NUP210: variants seen among roughly 807,000 people sequenced by gnomAD.
The protein encoded by NUP210 is nucleoporin 210.
In NUP210, 151 loss-of-function variants were observed where a neutral mutation model predicts 196.0. The observed-to-expected ratio is 0.77, with a 90% confidence interval of 0.67 to 0.88. NUP210 has a LOEUF of 0.88. Among genes scored for constraint, NUP210 ranks in the 40% least tolerant of loss-of-function variants. The pLI, the probability that NUP210 is intolerant of heterozygous loss-of-function variation, is 0.00. For missense variants in NUP210, 2,314 were observed against 2,493.7 expected (o/e 0.93, Z 1.53); for synonymous variants, 1,070 against 1,052.7 (o/e 1.02, Z -0.32).
chr3:13,318,195 C>T (rs1438565522), intron 39 of NUP210, among the ~76,000 whole-genome samples: 3 of 152,136 alleles, frequency 2.0e-5, no homozygotes, highest in Non-Finnish European at 4.4e-5. Context: ...GTGTGGCTCC[C>T]AAAACCCAGG....
At position 13,386,293 on chromosome 3, in the gene NUP210, T is replaced by C. The variant is rs1699271504; in HGVS notation, c.799A>G (p.Arg267Gly). 1 of 1,613,352 alleles carries C rather than the reference T, an allele frequency of 6.2e-7. No homozygotes were observed. The highest frequency in any genetic ancestry group is 8.5e-7 in the Non-Finnish European group (1 of 1,179,686). The change falls in exon 6 of 40, where the codon AGG becomes GGG. Residue 267 changes from arginine (R) to glycine (G), a missense_variant. Arg to Gly is a moderately radical substitution (Grantham distance 125, BLOSUM62 -2). Transcript: ENST00000254508. ...GACACACCTGTAATTTTCCCTTGCC[T>C]GATCTTCTGCACCTTGTAGTGAATG... is the stretch of plus-strand genomic sequence containing the variant. ...TSIHYKVQKI[R>G]QGKITELSMP...
intron 33 of NUP210, among the ~76,000 whole-genome samples, chr3:13,324,460 C>A (rs1052484549): frequency 3.9e-5 from 6 of 152,150 alleles, no homozygotes; most frequent in African/African-American, 1.4e-4. Flanking sequence ...AGCTCCCCGG[C>A]CCAGGCTCCT....
intron 3 of NUP210, among the ~76,000 whole-genome samples, chr3:13,393,395 A>G (rs1411625991): frequency 6.6e-6 from 1 of 152,202 alleles, no homozygotes; most frequent in Non-Finnish European, 1.5e-5. Flanking sequence ...GAAGTCCACC[A>G]CGTTCAAATG....
At chr3:13,318,373 T>C (rs867605655) in intron 39 of NUP210, among the ~76,000 whole-genome samples, 5 of 152,264 alleles carry the variant, frequency 3.3e-5, no homozygotes, top group Admixed American at 2.6e-4. Context: ...GGGCTCTCCT[T>C]ACCCAGGAAA....
chr3:13,390,069 T>G (rs559603997), intron 4 of NUP210, among the ~76,000 whole-genome samples: 1 of 152,102 alleles, frequency 6.6e-6, no homozygotes, highest in African/African-American at 2.4e-5. Flanking sequence ...TTCTTTTTAC[T>G]GAAAAGGATA....
chr3:13,320,891 C>CA (rs35758403), intron 36 of NUP210, among the ~76,000 whole-genome samples: 69,361 of 126,692 alleles, frequency 0.55, 17,495 homozygotes, highest in East Asian at 0.7. Context: ...GACTCCATCT[C>CA]AAAAAAAAAA....
Position 13,341,779 on chromosome 3 carries a change from T to G in NUP210, c.3197A>C (p.Gln1066Pro). ...CTGTTGTGGGGCTGAGTTGATTCTC[T>G]GTCCAGCTTTATTGGTCACACTTGC... The part of the protein sequence containing the change: ...LTASVTNKAG[Q>P]RINSAPQQIE... The change falls in exon 23 of 40, where the codon CAG (glutamine) becomes CCG (proline). Residue 1066 changes from glutamine to proline, a missense_variant. By Grantham distance (76) the Gln-to-Pro change is moderately conservative (BLOSUM62 -1). Coordinates refer to ENST00000254508, the MANE Select transcript of NUP210 (RefSeq NM_024923.4). 1 of 1,614,252 alleles carries G rather than the reference T, an allele frequency of 6.2e-7. No individual in the cohort carries two copies. Among genetic ancestry groups the G allele is most frequent in the Non-Finnish European group, 8.5e-7 (1 of 1,180,038 alleles).
At chr3:13,408,787 CA>C (rs57395477) in intron 1 of NUP210, among the ~76,000 whole-genome samples, 2,252 of 76,976 alleles carry the variant, frequency 0.029, 25 homozygotes, top group African/African-American at 0.063. Context: ...GACTCTGTCT[CA>C]AAAAAAAAAA....
intron 13 of NUP210, among the ~76,000 whole-genome samples, 199 bp from the exon 14 acceptor site, chr3:13,366,290 G>A (rs978833865): frequency 2.6e-5 from 4 of 151,586 alleles, no homozygotes; most frequent in East Asian, 3.9e-4. Flanking sequence ...CACTACACCC[G>A]GCTAATTTTT....
At chr3:13,378,524 T>A (rs1269349106) in intron 8 of NUP210, among the ~76,000 whole-genome samples, 1 of 152,242 alleles carries the variant, frequency 6.6e-6, no homozygotes, top group African/African-American at 2.4e-5. Flanking sequence ...CCCTCCCTGC[T>A]AAGGTACCTG....
chr3:13,362,682 C>A (rs1698411057), intron 14 of NUP210, among the ~76,000 whole-genome samples: 1 of 152,216 alleles, frequency 6.6e-6, no homozygotes, highest in African/African-American at 2.4e-5. Context: ...TGCTCACACA[C>A]AAACAATTCC....
In NUP210 at chr3:13,325,827, C is replaced by T. The variant is rs1196527125; in HGVS notation, c.4612G>A (p.Glu1538Lys). ...RAVGSVTVYY[E>K]VAGHLRTYKE... ...TAGGTCCTCAGGTGCCCAGCGACCT[C>T]ATAGTAAACCGTCACGGATCCCACG... The change falls in exon 33 of 40, where the codon GAG becomes AAG. Residue 1538 changes from glutamate (E) to lysine (K), a missense_variant. Coordinates refer to ENST00000254508, the MANE Select transcript of NUP210 (RefSeq NM_024923.4). 1 of 1,613,876 alleles carries T rather than the reference C, an allele frequency of 6.2e-7. No individual in the cohort carries two copies. The highest frequency in any genetic ancestry group is 1.1e-5 in the South Asian group (1 of 91,088).
chr3:13,396,345 T>C (rs1490103273), intron 3 of NUP210, among the ~76,000 whole-genome samples: 1 of 152,008 alleles, frequency 6.6e-6, no homozygotes, highest in Non-Finnish European at 1.5e-5. Flanking sequence ...TCAGAAAAGG[T>C]TTCAAAGACA....
intron 12 of NUP210, 124 bp from the exon 13 acceptor site, chr3:13,372,156 C>T (rs961704171): frequency 6.5e-6 from 6 of 916,782 alleles, no homozygotes; most frequent in Admixed American, 2.9e-5. Context: ...AAGCCTGTCA[C>T]GGGCAGTGGG....
intron 1 of NUP210, among the ~76,000 whole-genome samples, chr3:13,417,915 G>T (rs1188931401): frequency 6.6e-6 from 1 of 152,018 alleles, no homozygotes; most frequent in African/African-American, 2.4e-5. Context: ...AAATGATGTT[G>T]GGGGGGAAAA....
At chr3:13,377,366 C>A (rs984716287) in intron 9 of NUP210, 90 bp downstream of exon 9, 2 of 889,600 alleles carry the variant, frequency 2.2e-6, no homozygotes, top group African/African-American at 3.3e-5. Context: ...TGCATGGGGG[C>A]TCCTGTTGCT....
intron 1 of NUP210, among the ~76,000 whole-genome samples, chr3:13,401,832 G>A (rs1699849232): frequency 6.6e-6 from 1 of 151,950 alleles, no homozygotes. Context: ...GATTCGATCT[G>A]GGGGCAGAAA....
At chr3:13,355,022 A>G (rs755843287) in intron 16 of NUP210, among the ~76,000 whole-genome samples, 2 of 152,228 alleles carry the variant, frequency 1.3e-5, no homozygotes, top group Non-Finnish European at 2.9e-5. Context: ...CTCTGACCCC[A>G]CAACTTGGAC....
chr3:13,362,169 G>A (rs756733935), intron 14 of NUP210, among the ~76,000 whole-genome samples: 10 of 151,988 alleles, frequency 6.6e-5, no homozygotes, highest in Non-Finnish European at 1.2e-4. Context: ...AACCACATGA[G>A]GAAGGAAAAA....
Sources: gnomAD v4.1 joint callset for allele counts (sites outside exome capture counted in the v4.1 genomes callset) on GRCh38, gnomAD v4.1.1 for gene constraint, MANE v1.5 for transcripts, NCBI Gene and HGNC (gene_info 2026-07-23, HGNC 2026-07-21) for gene names.